NEDD9: variants seen among roughly 807,000 people sequenced by gnomAD.
NEDD9 encodes enhancer of filamentation 1.
NEDD9 carries 26 observed loss-of-function variants against 76.6 expected under a neutral mutation model. That is an observed-to-expected ratio of 0.34 (90% CI 0.25 to 0.47). The LOEUF (loss-of-function observed/expected upper bound fraction) is 0.47, where lower values mean the gene tolerates loss of function less well. NEDD9 is among the 20% of genes least tolerant of loss of function. The probability of loss-of-function intolerance (pLI) is 1.00; values close to 1 mark genes in which losing one functional copy is unlikely to be tolerated. For missense variants in NEDD9, 937 were observed against 1,058.5 expected (o/e 0.89, Z 1.59); for synonymous variants, 392 against 414.2 (o/e 0.95, Z 0.65).
At chr6:11,259,708 C>T (rs1760070623) in intron 3 of NEDD9, among the ~76,000 whole-genome samples, 1 of 152,136 alleles carries the variant, frequency 6.6e-6, no homozygotes, top group Non-Finnish European at 1.5e-5. Context: ...GTTAGAGAAA[C>T]AAATTGTATC....
intron 3 of NEDD9, among the ~76,000 whole-genome samples, chr6:11,246,160 T>A (rs1297031706): frequency 1.3e-5 from 2 of 152,208 alleles, no homozygotes; most frequent in African/African-American, 2.4e-5. Flanking sequence ...AAGAATGTCA[T>A]GGACCCAGAA....
intron 3 of NEDD9, among the ~76,000 whole-genome samples, chr6:11,276,560 C>G (rs1760421482): frequency 6.6e-6 from 1 of 152,200 alleles, no homozygotes; most frequent in Non-Finnish European, 1.5e-5. Flanking sequence ...TGCTGCTACT[C>G]ACGCTTTTGG....
chr6:11,243,375 T>TA (rs539104029), intron 3 of NEDD9, among the ~76,000 whole-genome samples: 3 of 152,202 alleles, frequency 2.0e-5, no homozygotes, highest in African/African-American at 4.8e-5. Context: ...ATTCAGCTGA[T>TA]AAAAAATCAC....
intron 3 of NEDD9, among the ~76,000 whole-genome samples, chr6:11,244,636 G>A (rs745581198): frequency 1.2e-4 from 18 of 152,180 alleles, no homozygotes; most frequent in Non-Finnish European, 8.8e-5. Context: ...AACTTGACAT[G>A]TAACTCAGAG....
chr6:11,268,770 C>CAA (rs1561811451), intron 3 of NEDD9, among the ~76,000 whole-genome samples: 6 of 151,764 alleles, frequency 4.0e-5, no homozygotes, highest in Non-Finnish European at 8.8e-5. Flanking sequence ...CACACACACA[C>CAA]AACCAATATT....
At chr6:11,375,272 G>T (rs763306175) in intron 1 of NEDD9, among the ~76,000 whole-genome samples, 24 of 152,188 alleles carry the variant, frequency 1.6e-4, no homozygotes, top group Non-Finnish European at 2.8e-4. Flanking sequence ...TGACCCTAGA[G>T]CAAGTCTTGG....
chr6:11,300,078 T>C (rs1460265387), intron 3 of NEDD9, among the ~76,000 whole-genome samples: 1 of 152,176 alleles, frequency 6.6e-6, no homozygotes, highest in East Asian at 1.9e-4. Flanking sequence ...TAAAGGAGCA[T>C]GTTCTAACCC....
In NEDD9 at chr6:11,213,292, C is replaced by G. The variant is rs941570067; in HGVS notation, c.448G>C (p.Val150Leu). ...AGTCATTTACTCACCTTTTTACCCA[C>G]GTGGGGCCCACTGGTTCCCCCAATG... ...RSIGGTSGPH[V>L]GKKVITPVRT... Residue 150 changes from valine (V) to leucine (L), a missense_variant, in exon 2 of 7, where the codon GTG becomes CTG. Physicochemically the swap from Val to Leu is conservative, Grantham distance 32. Coordinates refer to ENST00000379446, the MANE Select transcript of NEDD9 (RefSeq NM_006403.4). The surrounding 1 kb of genome is among the most constrained non-coding windows in gnomAD (Gnocchi z 5.4). 1 of 1,603,816 alleles carries G rather than the reference C, an allele frequency of 6.2e-7. No individual in the cohort carries two copies. The highest frequency in any genetic ancestry group is 1.1e-5 in the South Asian group (1 of 90,852).
chr6:11,239,227 ACAC>A (rs1180813604), intron 3 of NEDD9, among the ~76,000 whole-genome samples: 2 of 152,220 alleles, frequency 1.3e-5, no homozygotes, highest in Admixed American at 6.5e-5. Context: ...TGTATATAAC[ACAC>A]CATTTAGTGC....
At chr6:11,272,645 A>G (rs1457815299) in intron 3 of NEDD9, among the ~76,000 whole-genome samples, 2 of 152,142 alleles carry the variant, frequency 1.3e-5, no homozygotes, top group Admixed American at 6.5e-5. Flanking sequence ...ACCTAACCTC[A>G]GATTGCTCAG....
chr6:11,246,549 G>A (rs1192539411), intron 3 of NEDD9, among the ~76,000 whole-genome samples: 1 of 152,222 alleles, frequency 6.6e-6, no homozygotes, highest in Non-Finnish European at 1.5e-5. Flanking sequence ...CTCCCTGACA[G>A]GCTGCGGTTT....
intron 1 of NEDD9, chr6:11,214,172 C>A (rs1758874622): frequency 1.9e-6 from 1 of 517,886 alleles, no homozygotes; most frequent in Non-Finnish European, 3.8e-6. Context: ...AGAAAAATCC[C>A]AAATAACACA....
At chr6:11,337,785 T>C (rs891451837) in intron 1 of NEDD9, among the ~76,000 whole-genome samples, 1 of 152,192 alleles carries the variant, frequency 6.6e-6, no homozygotes, top group East Asian at 1.9e-4. Flanking sequence ...GATCTGAGTT[T>C]TGTTTCATGG....
chr6:11,221,160 A>G lies in NEDD9; in HGVS notation c.13-7433T>C, dbSNP rs573921418. ...CACTTTGGGAGGCTGAGGTGGGCAG[A>G]TTGCCTGAGCTCAGGAGTTTGCGAC... On this transcript the variant is annotated intron_variant, in intron 1 of 6. Transcript: ENST00000379446. Among the ~76,000 whole-genome samples the G allele has an allele frequency of 2.0e-5, 3 of 152,202 alleles. No homozygotes were observed. In the East Asian group the frequency reaches 5.8e-4, roughly 29 times the overall value.
At chr6:11,238,642 G>C (rs1049371768) in intron 3 of NEDD9, among the ~76,000 whole-genome samples, 3 of 152,110 alleles carry the variant, frequency 2.0e-5, no homozygotes, top group African/African-American at 7.2e-5. Context: ...CCTCCCGCTT[G>C]TACCCCATCT....
chr6:11,291,442 T>A (rs923853648), intron 3 of NEDD9, among the ~76,000 whole-genome samples: 1 of 151,876 alleles, frequency 6.6e-6, no homozygotes, highest in African/African-American at 2.4e-5. Context: ...GCCCAGCTAA[T>A]TTTTTGTATT....
chr6:11,232,456 G>A (rs138983865), intron 1 of NEDD9, 48 bp downstream of exon 1: 417 of 1,611,678 alleles, frequency 2.6e-4, no homozygotes, highest in East Asian at 1.8e-3. Flanking sequence ...CACACCCGCA[G>A]GCACAGCTTT....
upstream of NEDD9, among the ~76,000 whole-genome samples, chr6:11,235,167 T>C (rs1759573134): frequency 6.6e-6 from 1 of 152,120 alleles, no homozygotes; most frequent in Non-Finnish European, 1.5e-5. The surrounding 1 kb of genome is among the most constrained non-coding windows in gnomAD (Gnocchi z 4.1). Context: ...TTCTTATTAC[T>C]GTTGTTATTA....
At chr6:11,188,117 TG>T in intron 6 of NEDD9, 100 bp downstream of exon 6, 1 of 937,832 alleles carries the variant, frequency 1.1e-6, no homozygotes, top group Non-Finnish European at 1.7e-6. Flanking sequence ...GCCAGTGAGC[TG>T]GAAGAATCAA....
Sources: allele counts gnomAD v4.1 joint callset (sites outside exome capture counted in the v4.1 genomes callset), GRCh38; gene constraint gnomAD v4.1.1; non-coding constraint Gnocchi (gnomAD v3.1); transcripts MANE v1.5; gene names NCBI Gene and HGNC (gene_info 2026-07-23, HGNC 2026-07-21).